AGAP1: variants seen among roughly 807,000 people sequenced by gnomAD.
The protein encoded by AGAP1 is ArfGAP with GTPase domain, ankyrin repeat and PH domain 1.
Under a neutral mutation model 105.3 loss-of-function variants are expected in AGAP1, and 29 were observed. That is an observed-to-expected ratio of 0.28 (90% CI 0.21 to 0.38). The LOEUF (loss-of-function observed/expected upper bound fraction) is 0.38. AGAP1 is among the 10% of genes least tolerant of loss of function. AGAP1 has a pLI of 1.00. For missense variants in AGAP1, 998 were observed against 1,165.1 expected (o/e 0.86, Z 2.09); for synonymous variants, 509 against 485.9 (o/e 1.05, Z -0.63).
At chr2:235,562,678 A>G (rs1944197727) in intron 1 of AGAP1, among the ~76,000 whole-genome samples, 1 of 152,216 alleles carries the variant, frequency 6.6e-6, no homozygotes, top group Admixed American at 6.5e-5. Context: ...CTGGAGCCAG[A>G]CAGCTCTGGT....
Position 235,642,820 on chromosome 2 carries a change from T to C in AGAP1, c.164-66359T>C, listed in dbSNP as rs550462640. Among the ~76,000 whole-genome samples the C allele has an allele frequency of 6.6e-6, 1 of 152,344 alleles. No homozygotes were observed. Among genetic ancestry groups the C allele is most frequent in the South Asian group, 2.1e-4 (1 of 4,828 alleles). ...CTCATTGTCTTGGAATAAAATTATT[T>C]TGCTTTGCAAAGATTAGGCAAATCC... On this transcript the variant is annotated intron_variant, in intron 1 of 17. Coordinates refer to ENST00000304032, the MANE Select transcript of AGAP1 (RefSeq NM_001037131.3). This position sits in a 1 kb window ranked among gnomAD's most constrained non-coding sequence, Gnocchi z 4.1.
intron 8 of AGAP1, among the ~76,000 whole-genome samples, chr2:235,800,628 A>G (rs1957454115): frequency 6.6e-6 from 1 of 152,240 alleles, no homozygotes; most frequent in African/African-American, 2.4e-5. Context: ...ATCACGCATT[A>G]CAAGTACATG....
intron 16 of AGAP1, among the ~76,000 whole-genome samples, chr2:236,102,226 G>A (rs1028619953): frequency 6.6e-6 from 1 of 152,052 alleles, no homozygotes; most frequent in South Asian, 2.1e-4. Context: ...GACCATCCTG[G>A]CTAACACGGT....
chr2:236,088,720 T>C (rs1315024841), intron 16 of AGAP1, among the ~76,000 whole-genome samples: 7 of 152,232 alleles, frequency 4.6e-5, no homozygotes, highest in Admixed American at 3.3e-4. Context: ...AAACCATAGA[T>C]TCTCTTTTGT....
rs1471939292 is a variant in AGAP1 at position 236,090,352 on chromosome 2, A to G, written c.2115-29840A>G. On this transcript the variant is annotated intron_variant, in intron 16 of 17. Coordinates refer to ENST00000304032, the MANE Select transcript of AGAP1 (RefSeq NM_001037131.3). The surrounding 1 kb of genome is among the most constrained non-coding windows in gnomAD (Gnocchi z 4.3). ...TTCAGAAGCAGACATAATTATTTCA[A>G]TTACTTCTCTCTGGTTTTTGAGACG... 6.6e-6 allele frequency among the ~76,000 whole-genome samples: 1 copy of G among 152,346 alleles called. No individual in the cohort carries two copies. The highest frequency in any genetic ancestry group is 2.1e-4 in the South Asian group (1 of 4,826).
chr2:235,820,606 A>G (rs528529167), intron 9 of AGAP1, among the ~76,000 whole-genome samples: 12 of 152,376 alleles, frequency 7.9e-5, no homozygotes, highest in African/African-American at 2.4e-4. Context: ...TTCAGTCTCT[A>G]TCAGCCACAG....
At chr2:235,856,060 T>C (rs1046835349) in intron 9 of AGAP1, among the ~76,000 whole-genome samples, 1 of 152,052 alleles carries the variant, frequency 6.6e-6, no homozygotes, top group Non-Finnish European at 1.5e-5. Flanking sequence ...ACTGCAAGCA[T>C]CTACCACCAC....
intron 1 of AGAP1, among the ~76,000 whole-genome samples, chr2:235,638,945 C>T (rs1035785800): frequency 3.9e-5 from 6 of 152,150 alleles, no homozygotes; most frequent in Admixed American, 6.6e-5. Flanking sequence ...CTTCCAGTTG[C>T]GGTGACCAAA....
chr2:235,621,159 C>T lies in AGAP1; in HGVS notation c.164-88020C>T, dbSNP rs1202515200. Among the ~76,000 whole-genome samples the T allele has an allele frequency of 6.6e-6, 1 of 152,138 alleles. No individual in the cohort carries two copies. The highest frequency in any genetic ancestry group is 1.5e-5 in the Non-Finnish European group (1 of 68,018). Reference sequence around the variant, plus strand: ...GCCTTGGCCTCCGGAGGAGCTGAGACTACAGGCGCCCGCCACCACACCCGG... The same window carrying T: ...GCCTTGGCCTCCGGAGGAGCTGAGATTACAGGCGCCCGCCACCACACCCGG... On this transcript the variant is annotated intron_variant, in intron 1 of 17. Transcript: ENST00000304032. This position sits in a 1 kb window ranked among gnomAD's most constrained non-coding sequence, Gnocchi z 4.1.
chr2:235,713,838 G>A (rs998695030), intron 2 of AGAP1, among the ~76,000 whole-genome samples: 6 of 152,142 alleles, frequency 3.9e-5, no homozygotes, highest in Non-Finnish European at 7.3e-5. Context: ...GATGCCTGAG[G>A]ACCTGCTTGC....
intron 1 of AGAP1, among the ~76,000 whole-genome samples, chr2:235,512,699 G>A (rs1942200617): frequency 6.6e-6 from 1 of 152,146 alleles, no homozygotes; most frequent in Admixed American, 6.5e-5. Flanking sequence ...CTGGGCAAAG[G>A]CATCTGAGCT....
intron 1 of AGAP1, among the ~76,000 whole-genome samples, chr2:235,579,726 A>G (rs1450280947): frequency 6.6e-6 from 1 of 151,870 alleles, no homozygotes; most frequent in African/African-American, 2.4e-5. Context: ...CAGTGAGTGG[A>G]GATGGCACCA....
At chr2:235,803,375 A>C (rs1003223496) in intron 8 of AGAP1, among the ~76,000 whole-genome samples, 3 of 152,230 alleles carry the variant, frequency 2.0e-5, no homozygotes, top group Non-Finnish European at 4.4e-5. Context: ...TCTATTTTTA[A>C]ATATGTAAAA....
chr2:236,019,023 C>A (rs557968708), intron 13 of AGAP1, among the ~76,000 whole-genome samples: 1 of 152,330 alleles, frequency 6.6e-6, no homozygotes, highest in South Asian at 2.1e-4. Context: ...ACTGAACAGC[C>A]CAGATGGTCA....
Position 235,994,422 on chromosome 2 carries a change from T to C in AGAP1, c.1645+25799T>C, listed in dbSNP as rs190409262. On this transcript the variant is annotated intron_variant, in intron 13 of 17. Transcript: ENST00000304032. The surrounding 1 kb of genome is among the most constrained non-coding windows in gnomAD (Gnocchi z 4.4). Reference sequence around the variant, plus strand: ...TTCATTTCTTCTCACGTAACAACTTTCTTAGTGCTTGTACTTGTGTGCCTC... The same window carrying C: ...TTCATTTCTTCTCACGTAACAACTTCCTTAGTGCTTGTACTTGTGTGCCTC... Among the ~76,000 whole-genome samples, 4 of 152,332 alleles carry C rather than the reference T, an allele frequency of 2.6e-5. No individual in the cohort carries two copies. The highest frequency in any genetic ancestry group is 2.6e-4 in the Admixed American group (4 of 15,304).
intron 1 of AGAP1, among the ~76,000 whole-genome samples, chr2:235,686,665 A>ATATATT (rs1369766503): frequency 1.8e-4 from 14 of 77,498 alleles, no homozygotes; most frequent in African/African-American, 3.2e-4. Context: ...ATATATATAT[A>ATATATT]TTTTTTTTTT....
intron 1 of AGAP1, among the ~76,000 whole-genome samples, chr2:235,540,935 CTA>C (rs1464450400): frequency 2.6e-5 from 4 of 152,094 alleles, no homozygotes; most frequent in African/African-American, 9.7e-5. Flanking sequence ...ACATGGCTCT[CTA>C]TGTGGTCATT....
In AGAP1 at chr2:235,552,304, G is replaced by A. The variant is rs1224096886; in HGVS notation, c.163+57455G>A. On this transcript the variant is annotated intron_variant, in intron 1 of 17. Transcript: ENST00000304032. The surrounding 1 kb of genome is among the most constrained non-coding windows in gnomAD (Gnocchi z 5.9). ...ATTGGTGCCAAGAAATCCTATCGGGGACATTTAATAACTGGAAGTAGCTTA... is the reference window on the plus strand; with the variant it reads ...ATTGGTGCCAAGAAATCCTATCGGGAACATTTAATAACTGGAAGTAGCTTA... Among the ~76,000 whole-genome samples, 2 of 152,206 alleles carry A rather than the reference G, an allele frequency of 1.3e-5. No homozygotes were observed. Among genetic ancestry groups the A allele is most frequent in the East Asian group, 3.9e-4 (2 of 5,194 alleles).
intron 14 of AGAP1, among the ~76,000 whole-genome samples, chr2:236,039,463 C>A (rs1419521555): frequency 6.6e-6 from 1 of 152,064 alleles, no homozygotes; most frequent in Non-Finnish European, 1.5e-5. Context: ...AGGTACATAT[C>A]CAGTACATAT....
Sources: gnomAD v4.1 joint callset for allele counts (sites outside exome capture counted in the v4.1 genomes callset) on GRCh38, gnomAD v4.1.1 for gene constraint, Gnocchi (gnomAD v3.1) non-coding constraint, MANE v1.5 for transcripts, NCBI Gene and HGNC (gene_info 2026-07-23, HGNC 2026-07-21) for gene names.